Variants in NRCAM observed in about 807,000 individuals in gnomAD.
NRCAM encodes neuronal cell adhesion molecule.
A neutral mutation model predicts 156.5 loss-of-function variants in NRCAM; 83 were observed. The ratio of observed to expected loss-of-function variants is 0.53; its 90% CI spans 0.44 to 0.64. The LOEUF is 0.64. Among genes scored for constraint, NRCAM ranks in the 30% least tolerant of loss-of-function variants. The pLI is 0.00. For synonymous variants in NRCAM, 538 were observed against 563.9 expected, an observed-to-expected ratio of 0.95 and a Z score of 0.65; for missense variants, 1,417 against 1,597.3, an observed-to-expected ratio of 0.89 and a Z score of 1.92.
chr7:108,440,287 A>G (rs1423188437), intron 1 of NRCAM, among the ~76,000 whole-genome samples: 1 of 152,170 alleles, frequency 6.6e-6, no homozygotes, highest in Non-Finnish European at 1.5e-5. Context: ...TGTCCAGAAA[A>G]GGCATATACC....
At chr7:108,277,877 A>G (rs2097700002) in intron 3 of NRCAM, among the ~76,000 whole-genome samples, 1 of 152,094 alleles carries the variant, frequency 6.6e-6, no homozygotes, top group South Asian at 2.1e-4. Context: ...TTGTGGTTTT[A>G]TCTACCTTTG....
chr7:108,233,793 C>T (rs2094587129), intron 6 of NRCAM, among the ~76,000 whole-genome samples: 1 of 152,114 alleles, frequency 6.6e-6, no homozygotes, highest in Non-Finnish European at 1.5e-5. Context: ...CTTAAAAATC[C>T]ACATTACATT....
chr7:108,184,128 A>AT (rs36044904), intron 22 of NRCAM, 113 bp downstream of exon 22: 18,293 of 450,102 alleles, frequency 0.041, 1,804 homozygotes, highest in African/African-American at 0.32. Context: ...ATATATATAT[A>AT]TTTTTTTTCC....
chr7:108,184,131 T>A (rs909804915), intron 22 of NRCAM, 110 bp downstream of exon 22: 20 of 617,508 alleles, frequency 3.2e-5, no homozygotes, highest in South Asian at 3.2e-4. Context: ...TATATATATT[T>A]TTTTTCCCCA....
chr7:108,154,463 A>G (rs997359200), intron 32 of NRCAM, among the ~76,000 whole-genome samples: 11 of 152,216 alleles, frequency 7.2e-5, no homozygotes, highest in Admixed American at 2.6e-4. Flanking sequence ...ATACAAAATC[A>G]TAACAGTTAT....
rs955719753 is a variant in NRCAM at position 108,184,853 on chromosome 7, T to C, written c.2036-239A>G. On this transcript the variant is annotated intron_variant, in intron 20 of 32. Transcript: ENST00000379028. ...ATCTCACTGTATTTAATTTAATTTC[T>C]CCTATTACAAAAAAAATTTGACCAC... is the stretch of plus-strand genomic sequence containing the variant. Among the ~76,000 whole-genome samples the C allele has an allele frequency of 3.9e-4, 60 of 152,120 alleles. 1 individual carries two copies. The highest frequency in any genetic ancestry group is 1.3e-3 in the African/African-American group (55 of 41,438).
At chr7:108,222,032 T>C (rs938031349) in intron 11 of NRCAM, among the ~76,000 whole-genome samples, 9 of 152,120 alleles carry the variant, frequency 5.9e-5, no homozygotes, top group Non-Finnish European at 1.3e-4. Context: ...TGAGCATATG[T>C]ATCTGATGAA....
At chr7:108,169,362 A>G (rs2057046004) in intron 28 of NRCAM, among the ~76,000 whole-genome samples, 2 of 152,328 alleles carry the variant, frequency 1.3e-5, no homozygotes, top group South Asian at 4.1e-4. Context: ...GGTAGTTAAA[A>G]AAGAAGATCA....
chr7:108,220,499 C>T (rs1173056203), intron 11 of NRCAM, among the ~76,000 whole-genome samples: 1 of 152,110 alleles, frequency 6.6e-6, no homozygotes, highest in Admixed American at 6.6e-5. Context: ...TAAAAATACG[C>T]ACAAAGACCA....
chr7:108,285,640 T>C (rs867657099), intron 3 of NRCAM, among the ~76,000 whole-genome samples: 6 of 152,318 alleles, frequency 3.9e-5, no homozygotes, highest in Middle Eastern at 3.4e-3. Flanking sequence ...AGTGTCTTGA[T>C]TGCTTCAGAG....
At chr7:108,258,511 AT>A (rs2096769298) in intron 3 of NRCAM, among the ~76,000 whole-genome samples, 1 of 152,136 alleles carries the variant, frequency 6.6e-6, no homozygotes. Context: ...TGAAGCCCAA[AT>A]TTCCCATGTG....
intron 2 of NRCAM, among the ~76,000 whole-genome samples, chr7:108,339,433 C>T (rs2099249166): frequency 6.6e-6 from 1 of 152,220 alleles, no homozygotes; most frequent in Non-Finnish European, 1.5e-5. Flanking sequence ...CCTACACCCT[C>T]TGTGAAACGA....
At chr7:108,256,816 G>A (rs1350717396) in intron 3 of NRCAM, among the ~76,000 whole-genome samples, 1 of 152,004 alleles carries the variant, frequency 6.6e-6, no homozygotes, top group Admixed American at 6.6e-5. Flanking sequence ...AGGAGTTTGA[G>A]ACCAGCCTGG....
chr7:108,317,561 C>G lies in NRCAM; in HGVS notation c.-173-4830G>C, dbSNP rs929604179. ...TTTTTCAAGTTCACTGAACATAAAA[C>G]AAATACAGAAGGCTCTGTGTGATGG... On this transcript the variant is annotated intron_variant, in intron 2 of 32. Transcript: ENST00000379028. Among the ~76,000 whole-genome samples, 3 of 152,160 alleles carry G rather than the reference C, an allele frequency of 2.0e-5. No homozygotes were observed. The South Asian group carries it at 6.2e-4, about 32-fold the overall frequency.
At chr7:108,382,188 G>A (rs958938821) in intron 2 of NRCAM, among the ~76,000 whole-genome samples, 2 of 151,932 alleles carry the variant, frequency 1.3e-5, no homozygotes, top group African/African-American at 4.8e-5. Flanking sequence ...TTGCTTTCCG[G>A]AGGAGGGAGA....
Position 108,300,854 on chromosome 7 carries a change from CAG to C in NRCAM, c.-107+11809_-107+11810del, listed in dbSNP as rs550551081. 2.3e-4 allele frequency among the ~76,000 whole-genome samples: 35 copies of C among 152,092 alleles called. No homozygotes were observed. In the East Asian group the frequency reaches 6.0e-3, roughly 26 times the overall value. On this transcript the variant is annotated intron_variant, in intron 3 of 32. Coordinates refer to ENST00000379028, the MANE Select transcript of NRCAM (RefSeq NM_001037132.4). Reference sequence around the variant, plus strand: ...TATCATACTCAATACAACTCAATAACAGAAAGCTTTTTAAAAAAATTACGTTT... The same window carrying C: ...TATCATACTCAATACAACTCAATAACAAAGCTTTTTAAAAAAATTACGTTT...
chr7:108,362,334 A>T (rs767967615), intron 2 of NRCAM, among the ~76,000 whole-genome samples: 21 of 152,158 alleles, frequency 1.4e-4, no homozygotes, highest in Admixed American at 2.6e-4. Context: ...CAAAGGCCCC[A>T]CTTCCTAATA....
intron 32 of NRCAM, among the ~76,000 whole-genome samples, chr7:108,153,203 C>A (rs142194206): frequency 1.3e-5 from 2 of 152,078 alleles, no homozygotes; most frequent in Admixed American, 1.3e-4. Flanking sequence ...CCCAAACAAA[C>A]CATGACCAAA....
At chr7:108,204,699 A>G (rs1361052353) in intron 13 of NRCAM, among the ~76,000 whole-genome samples, 1 of 152,032 alleles carries the variant, frequency 6.6e-6, no homozygotes, top group African/African-American at 2.4e-5. Context: ...AGGGTGAGCG[A>G]CCCTGGATCT....
Sources: gnomAD v4.1 joint callset for allele counts (sites outside exome capture counted in the v4.1 genomes callset) on GRCh38, gnomAD v4.1.1 for gene constraint, MANE v1.5 for transcripts, NCBI Gene and HGNC (gene_info 2026-07-23, HGNC 2026-07-21) for gene names.